MICU1: variants seen among roughly 807,000 people sequenced by gnomAD.
The protein encoded by MICU1 is mitochondrial calcium uptake 1.
A neutral mutation model predicts 56.8 loss-of-function variants in MICU1; 45 were observed. The observed-to-expected ratio is 0.79, with a 90% CI of 0.62 to 1.02. MICU1 has a LOEUF of 1.02. MICU1 is among the 50% of genes least tolerant of loss of function. MICU1 has a pLI of 0.00. For missense variants in MICU1, 504 were observed against 587.1 expected, an observed-to-expected ratio of 0.86 and a Z score of 1.46; for synonymous variants, 186 against 195.1, an observed-to-expected ratio of 0.95 and a Z score of 0.39.
intron 10 of MICU1, among the ~76,000 whole-genome samples, chr10:72,400,866 T>TACAC (rs61091649): frequency 0.013 from 1,818 of 142,316 alleles, 25 homozygotes; most frequent in African/African-American, 0.028. Flanking sequence ...CTGGTGGTGC[T>TACAC]ACACACACAC....
intron 1 of MICU1, among the ~76,000 whole-genome samples, chr10:72,615,713 C>A (rs1481960039): frequency 6.6e-6 from 1 of 151,982 alleles, no homozygotes; most frequent in South Asian, 2.1e-4. Context: ...CTTGGCCAGG[C>A]GCGGTGGCTC....
At chr10:72,581,495 G>A (rs142062223) in intron 1 of MICU1, among the ~76,000 whole-genome samples, 3 of 152,278 alleles carry the variant, frequency 2.0e-5, no homozygotes, top group Middle Eastern at 3.4e-3. Context: ...GGGCATGGTG[G>A]TGCCTGCCGG....
chr10:72,597,450 C>T (rs993782735), intron 1 of MICU1, among the ~76,000 whole-genome samples: 4 of 152,188 alleles, frequency 2.6e-5, no homozygotes, highest in South Asian at 4.1e-4. Flanking sequence ...GCATCTAGAA[C>T]GGTACTACAG....
chr10:72,561,458 G>A (rs1159988295), intron 3 of MICU1, among the ~76,000 whole-genome samples: 1 of 152,184 alleles, frequency 6.6e-6, no homozygotes, highest in Non-Finnish European at 1.5e-5. Flanking sequence ...TGTGATGCAT[G>A]ACTTTTGTTC....
intron 1 of MICU1, among the ~76,000 whole-genome samples, chr10:72,612,181 T>G (rs367810295): frequency 1.8e-4 from 28 of 151,560 alleles, no homozygotes; most frequent in Admixed American, 5.3e-4. Flanking sequence ...CTTAAAGAAA[T>G]AAATAAAATC....
intron 4 of MICU1, among the ~76,000 whole-genome samples, chr10:72,545,032 A>C (rs16929981): frequency 0.036 from 5,438 of 152,314 alleles, 312 homozygotes; most frequent in African/African-American, 0.12. Context: ...AACAAAATAA[A>C]GTTGAAATAT....
At chr10:72,436,100 AC>A (rs1864707469) in intron 8 of MICU1, among the ~76,000 whole-genome samples, 1 of 151,944 alleles carries the variant, frequency 6.6e-6, no homozygotes, top group Non-Finnish European at 1.5e-5. Flanking sequence ...TGGGTCCCTG[AC>A]CCCCATGTAG....
chr10:72,452,560 G>C (rs1865331569), intron 8 of MICU1, among the ~76,000 whole-genome samples: 1 of 152,128 alleles, frequency 6.6e-6, no homozygotes, highest in African/African-American at 2.4e-5. Flanking sequence ...AGATGATGGT[G>C]TATATGTTTA....
chr10:72,539,571 T>C (rs2132421789), intron 4 of MICU1, among the ~76,000 whole-genome samples: 1 of 152,266 alleles, frequency 6.6e-6, no homozygotes, highest in East Asian at 1.9e-4. Flanking sequence ...GTTTTTGCTA[T>C]GGAATATACC....
At chr10:72,600,876 G>A (rs759872121) in intron 1 of MICU1, among the ~76,000 whole-genome samples, 19 of 152,110 alleles carry the variant, frequency 1.2e-4, no homozygotes, top group Non-Finnish European at 2.5e-4. Flanking sequence ...ATATCCCCCC[G>A]TAGATAAGGG....
At chr10:72,529,990 A>G (rs1241020243) in intron 5 of MICU1, among the ~76,000 whole-genome samples, 1 of 146,030 alleles carries the variant, frequency 6.8e-6, no homozygotes, top group Non-Finnish European at 1.5e-5. Context: ...GAAGGATTCA[A>G]CACAGGAAGG....
chr10:72,371,175 G>A (rs896587405), intron 11 of MICU1, among the ~76,000 whole-genome samples: 2 of 144,906 alleles, frequency 1.4e-5, no homozygotes, highest in Non-Finnish European at 3.0e-5. Context: ...CATGAGGTCC[G>A]GAGATTGAGA....
At chr10:72,563,734 G>A (rs1288626978) in intron 2 of MICU1, among the ~76,000 whole-genome samples, 2 of 152,124 alleles carry the variant, frequency 1.3e-5, no homozygotes, top group African/African-American at 2.4e-5. Context: ...TCATCCACAC[G>A]TCTTCCCATT....
intron 10 of MICU1, among the ~76,000 whole-genome samples, chr10:72,390,450 C>T (rs1863031306): frequency 2.0e-5 from 3 of 152,148 alleles, no homozygotes; most frequent in Admixed American, 6.5e-5. Context: ...TTCTATATAA[C>T]TCTGGCATTT....
At chr10:72,501,954 T>C (rs995353798) in intron 6 of MICU1, among the ~76,000 whole-genome samples, 1 of 152,172 alleles carries the variant, frequency 6.6e-6, no homozygotes, top group Non-Finnish European at 1.5e-5. Context: ...GCTTTCTTAA[T>C]TTTATTTTTA....
At chr10:72,474,178 C>A (rs149708352) in intron 8 of MICU1, among the ~76,000 whole-genome samples, 2 of 141,666 alleles carry the variant, frequency 1.4e-5, no homozygotes, top group East Asian at 4.0e-4. Flanking sequence ...ATCGCTTGAA[C>A]CTGGGAGGTG....
chr10:72,373,203 G>GAAC (rs1198890703), intron 11 of MICU1, among the ~76,000 whole-genome samples: 4 of 139,192 alleles, frequency 2.9e-5, no homozygotes, highest in African/African-American at 1.1e-4. Flanking sequence ...TTTTTGAGAT[G>GAAC]AGGTCTTGCT....
At chr10:72,461,820 G>A (rs73280926) in intron 8 of MICU1, among the ~76,000 whole-genome samples, 8,094 of 152,114 alleles carry the variant, frequency 0.053, 738 homozygotes, top group African/African-American at 0.18. Flanking sequence ...GTGTGGTGGT[G>A]GGCACCTGTA....
intron 8 of MICU1, among the ~76,000 whole-genome samples, chr10:72,434,638 G>C (rs1225726191): frequency 1.3e-5 from 2 of 152,154 alleles, no homozygotes; most frequent in East Asian, 3.9e-4. Flanking sequence ...CAGAGAGACT[G>C]TCTGTTAGAA....
Sources: allele counts gnomAD v4.1 joint callset (sites outside exome capture counted in the v4.1 genomes callset), GRCh38; gene constraint gnomAD v4.1.1; transcripts MANE v1.5; gene names NCBI Gene and HGNC (gene_info 2026-07-23, HGNC 2026-07-21).